Variants in PRAMEF14 observed in about 807,000 individuals in gnomAD.
The protein encoded by PRAMEF14 is PRAME family member 14.
Under a neutral mutation model 38.3 loss-of-function variants are expected in PRAMEF14, and 24 were observed. That is an observed-to-expected ratio of 0.63 (90% CI 0.45 to 0.88). The LOEUF is 0.88. Among genes scored for constraint, PRAMEF14 ranks in the 40% least tolerant of loss-of-function variants. The pLI is 0.00. For synonymous variants in PRAMEF14, 194 were observed against 226.4 expected, an observed-to-expected ratio of 0.86 and a Z score of 1.29; for missense variants, 477 against 570.8, an observed-to-expected ratio of 0.84 and a Z score of 1.67.
rs1640374914 is a variant in PRAMEF14, at chr1:13,344,459, C to T, written c.445G>A (p.Val149Met). The stretch of plus-strand genomic sequence containing the variant: ...TCCTTGAGGCAGATGTCTATGAACA[C>T]CTTTAAGGGCTGGTGCTCTCCCATC... ...PRMGEHQPLK[V>M]FIDICLKEIP... is the part of the protein sequence containing the mutation. Residue 149 changes from valine to methionine, a missense_variant, in exon 3 of 4, where the codon GTG becomes ATG. Coordinates refer to ENST00000334600, the MANE Select transcript of PRAMEF14 (RefSeq NM_001024661.2). The T allele has an allele frequency of 3.1e-6, 5 of 1,606,956 alleles. No homozygotes were observed. The Admixed American group carries it at 6.7e-5, about 21-fold the overall frequency.
At position 13,343,828 on chromosome 1, in the gene PRAMEF14, C is replaced by T. The variant is rs1287722817; in HGVS notation, c.866+210G>A. The T allele has an allele frequency of 2.3e-5, 34 of 1,487,890 alleles. 2 individuals are homozygous for T. Among genetic ancestry groups the T allele is most frequent in the Non-Finnish European group, 2.9e-5 (32 of 1,115,760 alleles). 92.2% of individuals were successfully genotyped at this position (1,487,890 alleles called of 1,614,324 possible). On this transcript the variant is annotated intron_variant, in intron 3 of 3. Transcript: ENST00000334600. ...CATGATGTCTCTCTCTAGCTTCTAC[C>T]CCAGGTGACCCCTCTGCCCTTATTG...
Position 13,342,728 on chromosome 1 carries a change from G to C in PRAMEF14, c.1225C>G (p.Leu409Val). 1 of 1,604,976 alleles carries C rather than the reference G, an allele frequency of 6.2e-7. No individual in the cohort carries two copies. The highest frequency in any genetic ancestry group is 8.5e-7 in the Non-Finnish European group (1 of 1,177,852). ...TCCTCAGGGGCAGGATACGTCTCCA[G>C]GCTTAACTTGCTCAGCCCACTGGTG... ...CHTSGLSKLS[L>V]ETYPAPEESL... The change falls in exon 4 of 4, where the codon CTG becomes GTG. Residue 409 changes from leucine (L) to valine (V), a missense_variant. Coordinates refer to ENST00000334600, the MANE Select transcript of PRAMEF14 (RefSeq NM_001024661.2).
At position 13,344,277 on chromosome 1, in the gene PRAMEF14, CTGTT is replaced by C; in HGVS notation, c.623_626del (p.Gln208ArgfsTer12). On this transcript the variant is annotated frameshift_variant, in exon 3 of 4. Transcript: ENST00000334600. LOFTEE classifies it high-confidence loss of function. ...GCCAGGACATGTTGCGAATTTCCAG[CTGTT>C]GAATACTATTCAGGTATATTATTTT... 2 of 1,606,012 alleles carry C rather than the reference CTGTT, an allele frequency of 1.2e-6. No homozygotes were observed. The highest frequency in any genetic ancestry group is 1.7e-4 in the Middle Eastern group (1 of 6,018).
rs1440287857 is a variant in PRAMEF14, at chr1:13,341,972, T to C, written c.*556A>G. ...CAGACAAAGTAGTATTTCATTATTT[T>C]TCCATCAGTAACTCAATAACTAGAT... On this transcript the variant is annotated 3_prime_UTR_variant, in exon 4 of 4. Coordinates refer to ENST00000334600, the MANE Select transcript of PRAMEF14 (RefSeq NM_001024661.2). The C allele has an allele frequency of 3.8e-5, 6 of 155,858 alleles. No homozygotes were observed. Among genetic ancestry groups the C allele is most frequent in the African/African-American group, 1.4e-4 (6 of 41,556 alleles). 9.7% of individuals were successfully genotyped at this position (155,858 alleles called of 1,614,324 possible). A position where few individuals can be genotyped will look rare whatever the true frequency, so the allele number is the denominator to read the frequency against.
Position 13,342,647 on chromosome 1 carries a change from C to T in PRAMEF14, c.1306G>A (p.Glu436Lys), listed in dbSNP as rs1553186831. 1.2e-6 allele frequency: 2 copies of T among 1,605,010 alleles called. No homozygotes were observed. Among genetic ancestry groups the T allele is most frequent in the Non-Finnish European group, 1.7e-6 (2 of 1,178,040 alleles). ...ACTTCCCTCAGTGTACACATCAGCT[C>T]AGCCCGAAGTAGGGCGAAGATCTCC... is the stretch of plus-strand genomic sequence containing the variant. ...DWEIFALLRAELMCTLREVRQ... is the reference protein window; with the variant it reads ...DWEIFALLRAKLMCTLREVRQ... Residue 436 changes from glutamate (E) to lysine (K), a missense_variant, in exon 4 of 4, where the codon GAG (glutamate) becomes AAG (lysine). Transcript: ENST00000334600.
Sources: allele counts gnomAD v4.1 joint callset, GRCh38; gene constraint gnomAD v4.1.1; transcripts MANE v1.5; gene names NCBI Gene and HGNC (gene_info 2026-07-23, HGNC 2026-07-21).